ATOSA: variants seen among roughly 807,000 people sequenced by gnomAD.
ATOSA encodes atos homolog A.
At chr15:52,675,891 G>A in the ATOSA span, among the ~76,000 whole-genome samples, 4 of 150,446 alleles carry the variant, frequency 2.7e-5, no homozygotes, top group African/African-American at 9.8e-5. Flanking sequence ...GGGCGACAGA[G>A]CGAGACTCCG....
At chr15:52,597,907 C>G in the ATOSA span, among the ~76,000 whole-genome samples, 1 of 152,222 alleles carries the variant, frequency 6.6e-6, no homozygotes, top group East Asian at 1.9e-4. Context: ...GGTGGATCAC[C>G]TGAGTTCAAG....
the ATOSA span, among the ~76,000 whole-genome samples, chr15:52,596,922 T>C: frequency 6.6e-6 from 1 of 152,174 alleles, no homozygotes; most frequent in South Asian, 2.1e-4. Context: ...GGAAAACATA[T>C]ATGCTTATTT....
At chr15:52,682,749 G>A in the ATOSA span, among the ~76,000 whole-genome samples, 3 of 152,276 alleles carry the variant, frequency 2.0e-5, no homozygotes, top group East Asian at 1.9e-4. Flanking sequence ...TTCTTGCAAA[G>A]TTAAAAAGAA....
chr15:52,645,326 C>T, the ATOSA span, among the ~76,000 whole-genome samples: 20 of 152,256 alleles, frequency 1.3e-4, no homozygotes, highest in East Asian at 2.1e-3. Flanking sequence ...GTAATCCCAG[C>T]TACTTGGGAG....
the ATOSA span, among the ~76,000 whole-genome samples, chr15:52,597,423 T>C: frequency 4.6e-5 from 7 of 152,142 alleles, no homozygotes; most frequent in Admixed American, 3.3e-4. Context: ...GGTCTATCCA[T>C]ACAACAGTAA....
the ATOSA span, among the ~76,000 whole-genome samples, chr15:52,704,862 T>C: frequency 6.6e-6 from 1 of 152,102 alleles, no homozygotes; most frequent in Non-Finnish European, 1.5e-5. Context: ...CAACAGACCC[T>C]GGAGAGGATG....
At chr15:52,688,175 A>G in the ATOSA span, among the ~76,000 whole-genome samples, 2 of 152,246 alleles carry the variant, frequency 1.3e-5, no homozygotes, top group African/African-American at 4.8e-5. Context: ...AGCAATGGCA[A>G]ACCAAAGTAG....
chr15:52,659,930 G>A, the ATOSA span, among the ~76,000 whole-genome samples: 1 of 152,160 alleles, frequency 6.6e-6, no homozygotes, highest in South Asian at 2.1e-4. Context: ...GGAGACCATT[G>A]TGAAATAGGA....
At chr15:52,602,595 T>C in the ATOSA span, among the ~76,000 whole-genome samples, 1 of 152,210 alleles carries the variant, frequency 6.6e-6, no homozygotes, top group East Asian at 1.9e-4. Flanking sequence ...TGGCTATTTC[T>C]TAGCTAGACA....
At chr15:52,678,082 C>T in the ATOSA span, 36 of 1,593,470 alleles carry the variant, frequency 2.3e-5, no homozygotes, top group Non-Finnish European at 2.8e-5. Context: ...TTTCAACAGG[C>T]TCGCCGCTGA....
the ATOSA span, among the ~76,000 whole-genome samples, chr15:52,692,747 A>T: frequency 6.6e-6 from 1 of 151,796 alleles, no homozygotes; most frequent in Non-Finnish European, 1.5e-5. Flanking sequence ...GCAGTCTGGA[A>T]CCCCTGGACT....
At chr15:52,651,275 A>G in the ATOSA span, among the ~76,000 whole-genome samples, 2 of 152,178 alleles carry the variant, frequency 1.3e-5, no homozygotes, top group African/African-American at 4.8e-5. Context: ...ATGATGCTTT[A>G]TCTGAACTGC....
the ATOSA span, among the ~76,000 whole-genome samples, chr15:52,623,513 T>C: frequency 9.2e-5 from 14 of 151,966 alleles, no homozygotes; most frequent in Non-Finnish European, 1.8e-4. Flanking sequence ...GACAGAGCCC[T>C]GGGGGACTCC....
the ATOSA span, among the ~76,000 whole-genome samples, chr15:52,693,737 T>C: frequency 6.6e-6 from 1 of 152,230 alleles, no homozygotes. Context: ...AAATATTTTC[T>C]AATGGAGTTT....
the ATOSA span, among the ~76,000 whole-genome samples, chr15:52,697,853 C>T: frequency 2.3e-3 from 344 of 151,334 alleles, 6 homozygotes; most frequent in South Asian, 0.014. Flanking sequence ...TTATATGACT[C>T]GTCAGGGGAA....
chr15:52,632,582 G>A, the ATOSA span, among the ~76,000 whole-genome samples: 1 of 152,118 alleles, frequency 6.6e-6, no homozygotes, highest in Non-Finnish European at 1.5e-5. Context: ...TCTGCCCTTT[G>A]ATTTTTGGCA....
At chr15:52,589,071 C>T in the ATOSA span, among the ~76,000 whole-genome samples, 1 of 152,178 alleles carries the variant, frequency 6.6e-6, no homozygotes, top group Admixed American at 6.5e-5. Context: ...ATTAAATTAA[C>T]ACATTAAGGT....
At chr15:52,582,053 G>A in the ATOSA span, 1 of 946,804 alleles carries the variant, frequency 1.1e-6, no homozygotes. Flanking sequence ...TAACAGGAGA[G>A]AATCCACTCT....
chr15:52,600,535 A>G, the ATOSA span, among the ~76,000 whole-genome samples: 1 of 152,106 alleles, frequency 6.6e-6, no homozygotes, highest in South Asian at 2.1e-4. Flanking sequence ...TAAAATATAA[A>G]ATTTCAAGTT....
Sources: allele counts gnomAD v4.1 joint callset (sites outside exome capture counted in the v4.1 genomes callset), GRCh38; gene constraint gnomAD v4.1.1; transcripts MANE v1.5; gene names NCBI Gene and HGNC (gene_info 2026-07-23, HGNC 2026-07-21).